The following IQCH variants were observed in gnomAD, a reference collection of about 807,000 sequenced individuals.
The protein encoded by IQCH is IQ domain-containing protein H.
In IQCH, 98 loss-of-function variants were observed where a neutral mutation model predicts 117.0. The observed-to-expected ratio is 0.84, with a 90% confidence interval of 0.71 to 0.99. The LOEUF (loss-of-function observed/expected upper bound fraction) is 0.99, where lower values mean the gene tolerates loss of function less well. Ranked by LOEUF, IQCH falls within the 50% of genes least tolerant of loss-of-function variation. The probability of loss-of-function intolerance (pLI) is 0.00; values close to 1 mark genes in which losing one functional copy is unlikely to be tolerated. For missense variants in IQCH, 1,102 were observed against 1,243.8 expected (o/e 0.89, Z 1.72); for synonymous variants, 412 against 448.2 (o/e 0.92, Z 1.02).
In IQCH at chr15:67,481,045, G is replaced by T. The variant is rs560252985; in HGVS notation, c.2799+5227G>T. On this transcript the variant is annotated intron_variant, in intron 18 of 20. Transcript: ENST00000335894. The surrounding 1 kb of genome is among the most constrained non-coding windows in gnomAD (Gnocchi z 4.1). Reference sequence around the variant, plus strand: ...AATGAGACTTTTAAAAATTGAAGAGGCATTTATTTACACAACCAAAGCCAA... The same window carrying T: ...AATGAGACTTTTAAAAATTGAAGAGTCATTTATTTACACAACCAAAGCCAA... Among the ~76,000 whole-genome samples, 1 of 152,124 alleles carries T rather than the reference G, an allele frequency of 6.6e-6. No homozygotes were observed. Among genetic ancestry groups the T allele is most frequent in the African/African-American group, 2.4e-5 (1 of 41,496 alleles).
intron 4 of IQCH, among the ~76,000 whole-genome samples, chr15:67,285,439 T>G (rs987206107): frequency 6.6e-6 from 1 of 152,174 alleles, no homozygotes; most frequent in Admixed American, 6.5e-5. Flanking sequence ...TGGAGCTCTT[T>G]AGTTTAATTA....
At chr15:67,336,009 G>A (rs934330913) in intron 4 of IQCH, among the ~76,000 whole-genome samples, 1 of 151,770 alleles carries the variant, frequency 6.6e-6, no homozygotes, top group Non-Finnish European at 1.5e-5. Context: ...ATGGCAATAA[G>A]GTATTGTGCA....
chr15:67,266,593 C>G (rs1965682777), intron 3 of IQCH, among the ~76,000 whole-genome samples: 1 of 152,064 alleles, frequency 6.6e-6, no homozygotes, highest in Non-Finnish European at 1.5e-5. Context: ...GGAGGCAGAG[C>G]TTGCAGTGAG....
At chr15:67,396,913 T>C (rs1411859701) in intron 13 of IQCH, among the ~76,000 whole-genome samples, 2 of 152,256 alleles carry the variant, frequency 1.3e-5, no homozygotes, top group Non-Finnish European at 2.9e-5. Flanking sequence ...GCAATGTTCA[T>C]GGGCTTATGA....
At chr15:67,323,685 A>C (rs1412393936) in intron 4 of IQCH, among the ~76,000 whole-genome samples, 2 of 152,126 alleles carry the variant, frequency 1.3e-5, no homozygotes, top group Non-Finnish European at 2.9e-5. Context: ...CTTTGGAGTT[A>C]ATATTGCACC....
intron 16 of IQCH, among the ~76,000 whole-genome samples, chr15:67,446,341 C>G (rs2082390572): frequency 6.6e-6 from 1 of 152,130 alleles, no homozygotes; most frequent in South Asian, 2.1e-4. Context: ...TGCCATGACT[C>G]AATAGCATTC....
At position 67,369,318 on chromosome 15, in the gene IQCH, A is replaced by G. The variant is rs1970440176; in HGVS notation, c.754-2793A>G. On this transcript the variant is annotated intron_variant, in intron 8 of 20. Coordinates refer to ENST00000335894, the MANE Select transcript of IQCH (RefSeq NM_001031715.3). This position sits in a 1 kb window ranked among gnomAD's most constrained non-coding sequence, Gnocchi z 5.2. ...GCTTCATGTGGGCCAATTAGTGAAT[A>G]CAGGCATCTCGCAAAGGTATGATTG... 6.6e-6 allele frequency among the ~76,000 whole-genome samples: 1 copy of G among 152,192 alleles called. No individual in the cohort carries two copies. The highest frequency in any genetic ancestry group is 1.5e-5 in the Non-Finnish European group (1 of 68,036).
intron 6 of IQCH, among the ~76,000 whole-genome samples, chr15:67,354,278 G>A (rs1969793243): frequency 1.3e-5 from 2 of 152,040 alleles, no homozygotes; most frequent in South Asian, 4.2e-4. Flanking sequence ...TGTAAGGAAA[G>A]TTCAACATCA....
intron 16 of IQCH, among the ~76,000 whole-genome samples, chr15:67,437,814 A>G (rs2082174387): frequency 6.6e-6 from 1 of 152,214 alleles, no homozygotes; most frequent in Non-Finnish European, 1.5e-5. Context: ...GCTTGAAGAC[A>G]GGTCTTCGAA....
At chr15:67,303,836 A>G (rs1226951753) in intron 4 of IQCH, among the ~76,000 whole-genome samples, 2 of 152,174 alleles carry the variant, frequency 1.3e-5, no homozygotes, top group Non-Finnish European at 2.9e-5. Flanking sequence ...TTATTCTTAC[A>G]GATAAGAGAA....
chr15:67,400,455 T>A, intron 14 of IQCH, 150 bp downstream of exon 14: 1 of 548,822 alleles, frequency 1.8e-6, no homozygotes, highest in Non-Finnish European at 3.3e-6. Flanking sequence ...TTTCCTTATA[T>A]ACACAATGAA....
intron 5 of IQCH, among the ~76,000 whole-genome samples, chr15:67,338,920 AG>A (rs552854745): frequency 5.6e-4 from 85 of 152,300 alleles, no homozygotes; most frequent in Non-Finnish European, 1.1e-3. Context: ...CATCTTTATC[AG>A]GCCAAGCACA....
intron 1 of IQCH, among the ~76,000 whole-genome samples, chr15:67,257,772 T>C (rs1463339583): frequency 6.6e-6 from 1 of 152,250 alleles, no homozygotes; most frequent in Non-Finnish European, 1.5e-5. Context: ...GATCTTATGA[T>C]TCAAAATTAG....
rs559122759 is a variant in IQCH, at chr15:67,381,640, T to G, written c.1373-3296T>G. 1.6e-4 allele frequency among the ~76,000 whole-genome samples: 24 copies of G among 151,884 alleles called. No homozygotes were observed. The highest frequency in any genetic ancestry group is 5.6e-4 in the African/African-American group (23 of 41,428). On this transcript the variant is annotated intron_variant, in intron 10 of 20. Transcript: ENST00000335894. This position sits in a 1 kb window ranked among gnomAD's most constrained non-coding sequence, Gnocchi z 5.1. ...GCTTAGAGACCCAATTTTAGAAGAG[T>G]TGAAAGAAGGGGGAGTGATCAGAAC... is the stretch of plus-strand genomic sequence containing the variant.
At chr15:67,423,987 G>C (rs953415234) in intron 16 of IQCH, among the ~76,000 whole-genome samples, 1 of 152,122 alleles carries the variant, frequency 6.6e-6, no homozygotes, top group South Asian at 2.1e-4. Context: ...ATTTGAGTTT[G>C]GTATAAGGAA....
At chr15:67,325,756 TTA>T (rs770583822) in intron 4 of IQCH, among the ~76,000 whole-genome samples, 173 of 152,188 alleles carry the variant, frequency 1.1e-3, no homozygotes, top group Non-Finnish European at 1.7e-3. Context: ...TTTAATATGT[TTA>T]TATTTTATTT....
Position 67,336,571 on chromosome 15 carries a change from T to G in IQCH, c.388-404T>G, listed in dbSNP as rs1307232219. Among the ~76,000 whole-genome samples, 7 of 152,318 alleles carry G rather than the reference T, an allele frequency of 4.6e-5. No individual in the cohort carries two copies. The East Asian group carries it at 1.4e-3, about 29-fold the overall frequency. ...TGTTTATCTTTTAAGTCTTCCAGGTTTTTTGTTTTAACATTAACACTCTAA... is the reference window on the plus strand; with the variant it reads ...TGTTTATCTTTTAAGTCTTCCAGGTGTTTTGTTTTAACATTAACACTCTAA... On this transcript the variant is annotated intron_variant, in intron 4 of 20. Transcript: ENST00000335894.
chr15:67,334,763 A>C (rs1968818758), intron 4 of IQCH, among the ~76,000 whole-genome samples: 1 of 152,220 alleles, frequency 6.6e-6, no homozygotes, highest in African/African-American at 2.4e-5. Context: ...AGCCTTCTGC[A>C]ATACAAGCAG....
chr15:67,323,193 C>T (rs575232048), intron 4 of IQCH, among the ~76,000 whole-genome samples: 2 of 151,896 alleles, frequency 1.3e-5, no homozygotes, highest in African/African-American at 4.8e-5. Context: ...CTATTTATCC[C>T]ATCCATTTTT....
Sources: allele counts gnomAD v4.1 joint callset (sites outside exome capture counted in the v4.1 genomes callset), GRCh38; gene constraint gnomAD v4.1.1; non-coding constraint Gnocchi (gnomAD v3.1); transcripts MANE v1.5; gene names NCBI Gene and HGNC (gene_info 2026-07-23, HGNC 2026-07-21).